HIVEP2: variants seen among roughly 807,000 people sequenced by gnomAD.
The protein encoded by HIVEP2 is HIVEP zinc finger 2.
HIVEP2 carries 14 observed loss-of-function variants against 180.7 expected under a neutral mutation model. That is an observed-to-expected ratio of 0.08 (90% CI 0.05 to 0.12). The LOEUF (loss-of-function observed/expected upper bound fraction) is 0.12. Among genes scored for constraint, HIVEP2 ranks in the 10% least tolerant of loss-of-function variants. The pLI is 1.00. For missense variants in HIVEP2, 2,579 were observed against 3,008.5 expected (o/e 0.86, Z 3.34); for synonymous variants, 1,184 against 1,136.4 (o/e 1.04, Z -0.84).
rs34947356 is a variant in HIVEP2, at chr6:142,770,632, G to A, written c.4107C>T (p.Val1369=). 274,329 of 1,613,966 alleles carry A rather than the reference G, an allele frequency of 0.17. 24,857 individuals are homozygous for A. Among genetic ancestry groups the A allele is most frequent in the Middle Eastern group, 0.24 (1,431 of 6,062 alleles). Reference sequence around the variant, plus strand: ...GTGTCCTTTGGGTCATATTCTCATCGACTTTGCATATGACAATGGCAGGGC... The same window carrying A: ...GTGTCCTTTGGGTCATATTCTCATCAACTTTGCATATGACAATGGCAGGGC... ...QNSPAIVICK[V]DENMTQRTLV... Residue 1369 remains valine (V), a synonymous_variant, in exon 5 of 10, where the codon GTC becomes GTT. Coordinates refer to ENST00000367603, the MANE Select transcript of HIVEP2 (RefSeq NM_006734.4). The surrounding 1 kb of genome is among the most constrained non-coding windows in gnomAD (Gnocchi z 4.7).
In HIVEP2 at chr6:142,752,566, T is replaced by C. The variant is rs1260823905; in HGVS notation, c.*541A>G. The C allele has an allele frequency of 1.3e-5, 2 of 153,622 alleles. No homozygotes were observed. Among genetic ancestry groups the C allele is most frequent in the African/African-American group, 2.4e-5 (1 of 41,438 alleles). The allele number at this position is 153,622 out of a possible 1,614,324, so 9.5% of individuals were successfully genotyped here. A position where few individuals can be genotyped will look rare whatever the true frequency, so the allele number is the denominator to read the frequency against. On this transcript the variant is annotated 3_prime_UTR_variant, in exon 10 of 10. Coordinates refer to ENST00000367603, the MANE Select transcript of HIVEP2 (RefSeq NM_006734.4). ...GCAACAGTAAATCCCATGCTTCACATAGAAAAGCAATCCACAACATTAAGA... is the reference window on the plus strand; with the variant it reads ...GCAACAGTAAATCCCATGCTTCACACAGAAAAGCAATCCACAACATTAAGA...
At chr6:142,902,611 G>A (rs1214652269) in intron 1 of HIVEP2, among the ~76,000 whole-genome samples, 1 of 152,168 alleles carries the variant, frequency 6.6e-6, no homozygotes, top group Non-Finnish European at 1.5e-5. Context: ...GAACACCTCA[G>A]TATGACATCT....
At chr6:142,904,759 T>C (rs1348245842) in intron 1 of HIVEP2, among the ~76,000 whole-genome samples, 1 of 152,186 alleles carries the variant, frequency 6.6e-6, no homozygotes, top group Non-Finnish European at 1.5e-5. Flanking sequence ...CCATAACCTA[T>C]ATTACTCAGC....
intron 1 of HIVEP2, among the ~76,000 whole-genome samples, chr6:142,872,289 C>T (rs568804407): frequency 6.6e-6 from 1 of 152,216 alleles, no homozygotes; most frequent in South Asian, 2.1e-4. Flanking sequence ...ATCATCAGAC[C>T]TGAATAACAT....
intron 6 of HIVEP2, among the ~76,000 whole-genome samples, chr6:142,765,223 A>C (rs1775352371): frequency 6.6e-6 from 1 of 152,222 alleles, no homozygotes. Context: ...TCACTATTAC[A>C]TGTGAATTTA....
chr6:142,924,580 C>A (rs1305848846), intron 1 of HIVEP2, among the ~76,000 whole-genome samples: 3 of 152,204 alleles, frequency 2.0e-5, no homozygotes, highest in Non-Finnish European at 4.4e-5. Context: ...AAAACATCTT[C>A]TCCTACTGAC....
intron 1 of HIVEP2, among the ~76,000 whole-genome samples, chr6:142,904,009 C>A (rs1485712806): frequency 6.6e-6 from 1 of 152,144 alleles, no homozygotes; most frequent in East Asian, 1.9e-4. Flanking sequence ...CAGCTATGCA[C>A]TGAGGAATAT....
chr6:142,857,918 C>CT (rs1775867613), intron 1 of HIVEP2, among the ~76,000 whole-genome samples: 2 of 152,130 alleles, frequency 1.3e-5, no homozygotes, highest in African/African-American at 4.8e-5. Context: ...GGTCTGGGAA[C>CT]TTATCTATGG....
At chr6:142,792,549 G>A (rs1456746154) in intron 2 of HIVEP2, among the ~76,000 whole-genome samples, 3 of 152,026 alleles carry the variant, frequency 2.0e-5, no homozygotes, top group Non-Finnish European at 4.4e-5. Context: ...ATCACACACC[G>A]GGGCCTGTCG....
intron 2 of HIVEP2, among the ~76,000 whole-genome samples, chr6:142,820,443 T>G (rs141782288): frequency 6.6e-6 from 1 of 152,282 alleles, no homozygotes; most frequent in East Asian, 1.9e-4. Flanking sequence ...ATTTTTGATG[T>G]CTTTCAATGG....
intron 3 of HIVEP2, among the ~76,000 whole-genome samples, chr6:142,781,593 T>C (rs1775862384): frequency 2.0e-5 from 3 of 152,086 alleles, no homozygotes; most frequent in African/African-American, 7.2e-5. Context: ...AGGGGGATCA[T>C]GTTAAAAAAG....
chr6:142,945,078 C>T lies in HIVEP2; in HGVS notation c.-641+21G>A, dbSNP rs1582984725. 1 of 146,690 alleles carries T rather than the reference C, an allele frequency of 6.8e-6. No homozygotes were observed. The highest frequency in any genetic ancestry group is 6.8e-5 in the Admixed American group (1 of 14,764). The allele number at this position is 146,690 out of a possible 1,614,324, so 9.1% of individuals were successfully genotyped here. A position where few individuals can be genotyped will look rare whatever the true frequency, so the allele number is the denominator to read the frequency against. On this transcript the variant is annotated intron_variant, in intron 1 of 9. Coordinates refer to ENST00000367603, the MANE Select transcript of HIVEP2 (RefSeq NM_006734.4). The surrounding 1 kb of genome is among the most constrained non-coding windows in gnomAD (Gnocchi z 5.5). Reference sequence around the variant, plus strand: ...CCGCCCGGCCGCCTGCGCCGCGCGCCGCGGCCCCCTCCCCCGCTACCTGAC... The same window carrying T: ...CCGCCCGGCCGCCTGCGCCGCGCGCTGCGGCCCCCTCCCCCGCTACCTGAC...
chr6:142,800,304 T>C (rs1429786738), intron 2 of HIVEP2, among the ~76,000 whole-genome samples: 2 of 152,168 alleles, frequency 1.3e-5, no homozygotes, highest in African/African-American at 4.8e-5. Flanking sequence ...TATTAACACT[T>C]ACTAAGCACC....
intron 1 of HIVEP2, among the ~76,000 whole-genome samples, chr6:142,904,963 A>G (rs1355656550): frequency 2.0e-5 from 3 of 152,174 alleles, no homozygotes; most frequent in Non-Finnish European, 4.4e-5. Context: ...TGTCCTAACA[A>G]GTATGACTCC....
chr6:142,927,154 G>T (rs78534191), intron 1 of HIVEP2, among the ~76,000 whole-genome samples: 5 of 152,086 alleles, frequency 3.3e-5, no homozygotes, highest in African/African-American at 9.6e-5. Context: ...GGAGGAAACC[G>T]AGCTCGCAAG....
intron 1 of HIVEP2, among the ~76,000 whole-genome samples, chr6:142,852,455 G>A (rs1166888498): frequency 2.0e-5 from 3 of 152,112 alleles, no homozygotes; most frequent in Non-Finnish European, 2.9e-5. Context: ...GATTGTTACT[G>A]TGTGGACCCC....
rs188298782 is a variant in HIVEP2 at position 142,774,481 on chromosome 6, C to T, written c.258G>A (p.Pro86=). The T allele has an allele frequency of 3.4e-4, 545 of 1,614,020 alleles. 4 individuals are homozygous for T. In the African/African-American group the frequency reaches 6.1e-3, roughly 18 times the overall value. Reference sequence around the variant, plus strand: ...GGCATGAGTAAGGACTCGGACGATGCGGTGGATATTGCTTCTCTGCGACTT... The same window carrying T: ...GGCATGAGTAAGGACTCGGACGATGTGGTGGATATTGCTTCTCTGCGACTT... ...VQQVAEKQYP[P]HRPSPYSCQH... Residue 86 remains proline (P), a synonymous_variant, in exon 5 of 10, where the codon CCG becomes CCA. Transcript: ENST00000367603. This position sits in a 1 kb window ranked among gnomAD's most constrained non-coding sequence, Gnocchi z 5.1.
rs187042322 is a variant in HIVEP2, at chr6:142,798,198, A to G, written c.-527-14583T>C. On this transcript the variant is annotated intron_variant, in intron 2 of 9. Transcript: ENST00000367603. Reference sequence around the variant, plus strand: ...GTCAGACACCCCAACAAAAGAAACTAGCTCCTCTTGCAGTGAGCTGAGATC... The same window carrying G: ...GTCAGACACCCCAACAAAAGAAACTGGCTCCTCTTGCAGTGAGCTGAGATC... Among the ~76,000 whole-genome samples the G allele has an allele frequency of 4.0e-4, 61 of 151,926 alleles. No homozygotes were observed. The East Asian group carries it at 9.9e-3, about 25-fold the overall frequency.
At chr6:142,790,805 G>T (rs1029174528) in intron 2 of HIVEP2, among the ~76,000 whole-genome samples, 10 of 152,266 alleles carry the variant, frequency 6.6e-5, no homozygotes, top group African/African-American at 2.4e-4. Context: ...ATCTTTGAGG[G>T]AAGATCCTCC....
Sources: gnomAD v4.1 joint callset for allele counts (sites outside exome capture counted in the v4.1 genomes callset) on GRCh38, gnomAD v4.1.1 for gene constraint, Gnocchi (gnomAD v3.1) non-coding constraint, MANE v1.5 for transcripts, NCBI Gene and HGNC (gene_info 2026-07-23, HGNC 2026-07-21) for gene names.